Variants in ZNF93 observed in about 807,000 individuals in gnomAD.
ZNF93 encodes the protein zinc finger protein 93, also known as zinc finger protein 505.
ZNF93 carries 29 observed loss-of-function variants against 45.0 expected under a neutral mutation model. That is an observed-to-expected ratio of 0.64 (90% CI 0.48 to 0.88). The LOEUF (loss-of-function observed/expected upper bound fraction) is 0.88. Among genes scored for constraint, ZNF93 ranks in the 40% least tolerant of loss-of-function variants. The pLI is 0.00. For synonymous variants in ZNF93, 223 were observed against 244.6 expected, an observed-to-expected ratio of 0.91 and a Z score of 0.82; for missense variants, 578 against 724.0, an observed-to-expected ratio of 0.80 and a Z score of 2.31.
chr19:19,907,093 TACTA>T (rs993160398), intron 1 of ZNF93, among the ~76,000 whole-genome samples: 3 of 151,996 alleles, frequency 2.0e-5, no homozygotes, highest in African/African-American at 2.4e-5. Flanking sequence ...ATGTAAATCA[TACTA>T]ACAGCTAAAT....
rs774275770 is a variant in ZNF93, at chr19:19,916,613, C to T, written c.184C>T (p.Pro62Ser). 1.9e-6 allele frequency: 3 copies of T among 1,611,970 alleles called. No individual in the cohort carries two copies. The South Asian group carries it at 3.3e-5, about 18-fold the overall frequency. Reference sequence around the variant, plus strand: ...CGCCCATCTGGAGCAAGGAAAAAAACCTTTGACTATGAAGAGACATGAGAT... The same window carrying T: ...CGCCCATCTGGAGCAAGGAAAAAAATCTTTGACTATGAAGAGACATGAGAT... ...LIAHLEQGKK[P>S]LTMKRHEMVA... is the part of the protein sequence containing the mutation. The change falls in exon 3 of 4, where the codon CCT becomes TCT. Residue 62 changes from proline (P) to serine (S), a missense_variant. Coordinates refer to ENST00000343769, the MANE Select transcript of ZNF93 (RefSeq NM_031218.4).
intron 1 of ZNF93, among the ~76,000 whole-genome samples, chr19:19,913,642 G>A (rs1185338175): frequency 2.0e-5 from 3 of 152,084 alleles, no homozygotes; most frequent in Admixed American, 2.0e-4. Flanking sequence ...GCAGTTCATT[G>A]TTCCCGAATC....
Position 19,934,993 on chromosome 19 carries a change from G to A in ZNF93, c.*175G>A. On this transcript the variant is annotated 3_prime_UTR_variant, in exon 4 of 4. Transcript: ENST00000343769. ...CATTTACAGCCATGTAGGCAGGCCT[G>A]CAGACCTTGGCCTTTACTACGGTAC... The A allele has an allele frequency of 1.5e-6, 1 of 664,624 alleles. No individual in the cohort carries two copies. The highest frequency in any genetic ancestry group is 2.4e-6 in the Non-Finnish European group (1 of 408,374). The allele number at this position is 664,624 out of a possible 1,614,324, so 41.2% of individuals were successfully genotyped here. A position where few individuals can be genotyped will look rare whatever the true frequency, so the allele number is the denominator to read the frequency against.
At chr19:19,903,033 C>T (rs7246535) in intron 1 of ZNF93, among the ~76,000 whole-genome samples, 1,879 of 152,234 alleles carry the variant, frequency 0.012, 41 homozygotes, top group African/African-American at 0.043. Context: ...GCCACCGCGC[C>T]CGGCCTTTGG....
chr19:19,922,304 G>A (rs2063344392), intron 3 of ZNF93, among the ~76,000 whole-genome samples: 1 of 152,216 alleles, frequency 6.6e-6, no homozygotes, highest in African/African-American at 2.4e-5. Flanking sequence ...AGTTTCTGCC[G>A]AGAGGTCAGC....
intron 3 of ZNF93, among the ~76,000 whole-genome samples, chr19:19,922,098 T>G (rs987169367): frequency 1.3e-5 from 2 of 152,244 alleles, no homozygotes; most frequent in Non-Finnish European, 2.9e-5. Context: ...TTCCTTTCCA[T>G]GTTTAGTGCT....
chr19:19,910,837 C>G (rs746165227), intron 1 of ZNF93, among the ~76,000 whole-genome samples: 1 of 152,046 alleles, frequency 6.6e-6, no homozygotes, highest in Non-Finnish European at 1.5e-5. Context: ...AGGACCAGAA[C>G]TTGGATTGAG....
chr19:19,933,763 T>G lies in ZNF93; in HGVS notation c.808T>G (p.Ser270Ala), dbSNP rs150714641. ...ATGTGGCAAAGCTTTTAACCAATCC[T>G]CGACACTTACTAAACATAAGAAAAT... ...EECGKAFNQS[S>A]TLTKHKKIHT... The change falls in exon 4 of 4, where the codon TCG (serine) becomes GCG (alanine). Residue 270 changes from serine to alanine, a missense_variant. Ser to Ala is a moderately conservative substitution (Grantham distance 99). This residue lies in a region of ZNF93 where 446 missense variants were observed against 547.6 expected (regional missense o/e 0.81). Coordinates refer to ENST00000343769, the MANE Select transcript of ZNF93 (RefSeq NM_031218.4). 141 of 1,613,028 alleles carry G rather than the reference T, an allele frequency of 8.7e-5. No individual in the cohort carries two copies. In the African/African-American group the frequency reaches 1.7e-3, roughly 19 times the overall value.
intron 1 of ZNF93, among the ~76,000 whole-genome samples, chr19:19,903,976 T>C (rs895816968): frequency 2.0e-5 from 3 of 151,476 alleles, no homozygotes; most frequent in Non-Finnish European, 4.4e-5. Context: ...GGAGAATTGC[T>C]TGAACCCTGC....
At chr19:19,907,043 A>C (rs1221404962) in intron 1 of ZNF93, among the ~76,000 whole-genome samples, 1 of 151,482 alleles carries the variant, frequency 6.6e-6, no homozygotes, top group Non-Finnish European at 1.5e-5. Context: ...TTAGGGATTT[A>C]GATTATATAT....
chr19:19,930,424 TCCA>T (rs1388713192), intron 3 of ZNF93, among the ~76,000 whole-genome samples: 3 of 152,000 alleles, frequency 2.0e-5, no homozygotes, highest in Non-Finnish European at 4.4e-5. Flanking sequence ...TGTCAGGCCC[TCCA>T]CAAGAGGTGG....
intron 1 of ZNF93, among the ~76,000 whole-genome samples, chr19:19,913,717 C>T (rs746725952): frequency 7.9e-5 from 12 of 152,034 alleles, no homozygotes; most frequent in Non-Finnish European, 1.5e-4. Context: ...AGATGTCATG[C>T]TAGCAGGTAA....
chr19:19,914,036 C>A (rs576695282), intron 1 of ZNF93, among the ~76,000 whole-genome samples: 1 of 150,272 alleles, frequency 6.7e-6, no homozygotes, highest in African/African-American at 2.5e-5. Context: ...ACAGACTTCT[C>A]TACATTCTGT....
chr19:19,905,151 C>G, intron 1 of ZNF93, among the ~76,000 whole-genome samples: 1 of 151,992 alleles, frequency 6.6e-6, no homozygotes, highest in East Asian at 1.9e-4. Flanking sequence ...GGGCCACTAT[C>G]TGTAGCAAAA....
chr19:19,920,729 C>T (rs936672840), intron 3 of ZNF93, among the ~76,000 whole-genome samples: 5 of 152,090 alleles, frequency 3.3e-5, no homozygotes, highest in African/African-American at 4.8e-5. Context: ...AGTTTATTTG[C>T]GTAGAGGTGT....
intron 1 of ZNF93, among the ~76,000 whole-genome samples, chr19:19,904,428 C>G (rs551489503): frequency 6.6e-6 from 1 of 152,150 alleles, no homozygotes; most frequent in African/African-American, 2.4e-5. Flanking sequence ...GTAGCTCTAC[C>G]AAATTGTTGA....
intron 2 of ZNF93, 80 bp from the exon 3 acceptor site, chr19:19,916,480 A>G (rs2063324110): frequency 5.5e-6 from 6 of 1,081,134 alleles, no homozygotes; most frequent in African/African-American, 1.6e-5. Flanking sequence ...ATTTTATCAC[A>G]TCGTCTTTGC....
Position 19,913,281 on chromosome 19 carries a change from C to G in ZNF93, c.4-1999C>G, listed in dbSNP as rs369396772. On this transcript the variant is annotated intron_variant, in intron 1 of 3. Coordinates refer to ENST00000343769, the MANE Select transcript of ZNF93 (RefSeq NM_031218.4). ...CAATGCTTAGCTTAGTGGTTATCAG[C>G]CCAGGCTTCTCATTAGGATCACATG... Among the ~76,000 whole-genome samples the G allele has an allele frequency of 2.0e-5, 3 of 152,310 alleles. No homozygotes were observed. In the South Asian group the frequency reaches 6.2e-4, roughly 32 times the overall value.
At chr19:19,913,141 A>G (rs556540584) in intron 1 of ZNF93, among the ~76,000 whole-genome samples, 3 of 150,870 alleles carry the variant, frequency 2.0e-5, no homozygotes, top group African/African-American at 7.5e-5. Flanking sequence ...CAGCATTGAC[A>G]GGGGACTTGT....
Sources: allele counts gnomAD v4.1 joint callset (sites outside exome capture counted in the v4.1 genomes callset), GRCh38; gene constraint gnomAD v4.1.1; regional missense constraint gnomAD v4.1.1; transcripts MANE v1.5; gene names NCBI Gene and HGNC (gene_info 2026-07-23, HGNC 2026-07-21).